GRIPAP1: variants seen among roughly 807,000 people sequenced by gnomAD.
GRIPAP1 encodes GRIP1 associated protein 1, also known as GRIP1-associated protein 1.
A neutral mutation model predicts 84.1 loss-of-function variants in GRIPAP1; 14 were observed. The ratio of observed to expected loss-of-function variants is 0.17; its 90% confidence interval spans 0.11 to 0.26. The LOEUF (loss-of-function observed/expected upper bound fraction) is 0.26, where lower values mean the gene tolerates loss of function less well. Among genes scored for constraint, GRIPAP1 ranks in the 10% least tolerant of loss-of-function variants. The pLI is 1.00. For synonymous variants in GRIPAP1, 261 were observed against 256.8 expected (o/e 1.02, Z -0.15); for missense variants, 518 against 674.2 (o/e 0.77, Z 2.57).
At chrX:48,994,443 T>C (rs1211896094) in intron 5 of GRIPAP1, among the ~76,000 whole-genome samples, 1 of 110,189 alleles carries the variant, frequency 9.1e-6, no homozygotes, top group African/African-American at 3.3e-5. Flanking sequence ...AGGCTGGTCT[T>C]GAACTCCTGA....
rs183095811 is a variant in GRIPAP1 at position 49,001,305 on chromosome X, T to G, written c.42+883A>C. Among the ~76,000 whole-genome samples, 371 of 109,497 alleles carry G rather than the reference T, an allele frequency of 3.4e-3. 2 individuals are homozygous for G. Among genetic ancestry groups the G allele is most frequent in the Middle Eastern group, 0.014 (3 of 214 alleles). ...TCCCTCATTCAAGGACCAATTGGAT[T>G]ACCTGTCCTCCCTCAGAGTTCCTCC... On this transcript the variant is annotated intron_variant, in intron 1 of 25. Transcript: ENST00000376423.
Position 48,987,833 on chromosome X carries a change from A to G in GRIPAP1, c.993T>C (p.Leu331=). Residue 331 remains leucine, a synonymous_variant, in exon 13 of 26, where the codon CTT becomes CTC. Coordinates refer to ENST00000376423, the MANE Select transcript of GRIPAP1 (RefSeq NM_020137.5). The part of the protein sequence containing the change: ...SADAQEQVEG[L]LAENNALRTS... ...TCCTCAAGGCATTGTTCTCAGCCAA[A>G]AGCCCTTCCACTTGTTCCTGTGCAT... The G allele has an allele frequency of 8.3e-7, 1 of 1,206,308 alleles. No individual in the cohort carries two copies. Among genetic ancestry groups the G allele is most frequent in the Non-Finnish European group, 1.1e-6 (1 of 892,114 alleles).
chrX:48,997,376 G>GCC lies in GRIPAP1; in HGVS notation c.199-21_199-20dup. The GCC allele has an allele frequency of 1.1e-6, 1 of 951,946 alleles. No individual in the cohort carries two copies. The highest frequency in any genetic ancestry group is 1.5e-6 in the Non-Finnish European group (1 of 675,645). The allele number at this position is 951,946 out of a possible 1,213,427, so 78.5% of individuals were successfully genotyped here. A position where few individuals can be genotyped will look rare whatever the true frequency, so the allele number is the denominator to read the frequency against. On this transcript the variant is annotated intron_variant, in intron 4 of 25. Coordinates refer to ENST00000376423, the MANE Select transcript of GRIPAP1 (RefSeq NM_020137.5). ...CGACTTCCTGCAGTGGCAGACAAGG[G>GCC]CCAGGACTCCAGCAAGGGCAAAAAG...
chrX:48,993,100 G>A (rs2064528791), intron 6 of GRIPAP1, among the ~76,000 whole-genome samples: 1 of 112,724 alleles, frequency 8.9e-6, no homozygotes, highest in African/African-American at 3.2e-5. Context: ...GATTACAGGC[G>A]TGAGCCACCG....
In GRIPAP1 at chrX:49,002,235, TC is replaced by T. The variant is rs782580493; in HGVS notation, c.-7del. 11 of 1,106,903 alleles carry T rather than the reference TC, an allele frequency of 9.9e-6. No individual in the cohort carries two copies. The highest frequency in any genetic ancestry group is 1.4e-5 in the Non-Finnish European group (11 of 812,287). 91.2% of individuals were successfully genotyped at this position (1,106,903 alleles called of 1,213,427 possible). On this transcript the variant is annotated 5_prime_UTR_variant, in exon 1 of 26. Coordinates refer to ENST00000376423, the MANE Select transcript of GRIPAP1 (RefSeq NM_020137.5). The stretch of plus-strand genomic sequence containing the variant: ...TCAGACAGAGCTTGCGCCATGTTCC[TC>T]CCCCCACCCCCCCGCCAGCTTTCTG...
intron 5 of GRIPAP1, among the ~76,000 whole-genome samples, chrX:48,995,891 G>A (rs782063328): frequency 1.3e-4 from 14 of 111,487 alleles, no homozygotes; most frequent in Non-Finnish European, 1.7e-4. Flanking sequence ...CACCACGCCC[G>A]GCCATAAAAC....
chrX:48,982,253 G>A (rs782517165), intron 17 of GRIPAP1, among the ~76,000 whole-genome samples: 1 of 111,941 alleles, frequency 8.9e-6, no homozygotes, highest in East Asian at 2.8e-4. Context: ...CTTGCCCAAG[G>A]TCACACAGCT....
In GRIPAP1 at chrX:48,990,941, C is replaced by A; in HGVS notation, c.627G>T (p.Gln209His). ...TCAGATTCACCTCTAAGCCTTGCAG[C>A]TGTTCCCAGAGCAATCTCTTCTCCT... Reference protein sequence around the residue: ...EKEEKRLLWEQLQGLESSKQA... With the variant: ...EKEEKRLLWEHLQGLESSKQA... Residue 209 changes from glutamine (Q) to histidine (H), a missense_variant, in exon 7 of 26, where the codon CAG (glutamine) becomes CAT (histidine). Coordinates refer to ENST00000376423, the MANE Select transcript of GRIPAP1 (RefSeq NM_020137.5). The A allele has an allele frequency of 8.6e-7, 1 of 1,161,827 alleles. No homozygotes were observed. Among genetic ancestry groups the A allele is most frequent in the Non-Finnish European group, 1.1e-6 (1 of 870,344 alleles).
chrX:49,000,721 G>C (rs2064574826), intron 1 of GRIPAP1: 1 of 110,239 alleles, frequency 9.1e-6, no homozygotes, highest in Admixed American at 9.7e-5. Flanking sequence ...AAAGAATTAA[G>C]CATCCTCCTC....
At position 48,992,461 on chromosome X, in the gene GRIPAP1, C is replaced by T. The variant is rs181249634; in HGVS notation, c.457+967G>A. Among the ~76,000 whole-genome samples, 36 of 112,315 alleles carry T rather than the reference C, an allele frequency of 3.2e-4. 1 individual carries two copies. In the Admixed American group the frequency reaches 3.4e-3, roughly 11 times the overall value. ...CAGGCTCTCACAAATATTTTAAGCC[C>T]TATCAACCACTAAGATTCTGTTTAC... On this transcript the variant is annotated intron_variant, in intron 6 of 25. Transcript: ENST00000376423.
At chrX:48,979,928 A>G (rs2064446619) in intron 21 of GRIPAP1, among the ~76,000 whole-genome samples, 1 of 111,600 alleles carries the variant, frequency 9.0e-6, no homozygotes, top group South Asian at 3.7e-4. Context: ...GTGATAAAAC[A>G]GAAACAAAAC....
chrX:48,994,219 CT>C (rs200273142), intron 5 of GRIPAP1, among the ~76,000 whole-genome samples: 164 of 95,135 alleles, frequency 1.7e-3, no homozygotes, highest in Middle Eastern at 5.0e-3. Flanking sequence ...TATTTTCTTT[CT>C]TTTTTTTTTT....
intron 1 of GRIPAP1, among the ~76,000 whole-genome samples, chrX:49,000,065 C>T (rs1474218847): frequency 9.1e-6 from 1 of 110,354 alleles, no homozygotes; most frequent in Non-Finnish European, 1.9e-5. Flanking sequence ...ATCCAGGCCC[C>T]CTTCAATAAT....
chrX:48,995,043 C>A (rs2064540264), intron 5 of GRIPAP1, among the ~76,000 whole-genome samples: 1 of 112,153 alleles, frequency 8.9e-6, no homozygotes. Context: ...GTGCTGCTTA[C>A]AACTGTATTT....
chrX:48,989,543 C>T, intron 11 of GRIPAP1, 68 bp downstream of exon 11: 1 of 728,134 alleles, frequency 1.4e-6, no homozygotes, highest in East Asian at 3.2e-5. Flanking sequence ...CCTCCATGGA[C>T]CTCAGACCTC....
In GRIPAP1 at chrX:48,975,309, T is replaced by C; in HGVS notation, c.2279A>G (p.Asp760Gly). The C allele has an allele frequency of 8.3e-7, 1 of 1,207,467 alleles. No individual in the cohort carries two copies. The highest frequency in any genetic ancestry group is 1.1e-6 in the Non-Finnish European group (1 of 893,033). ...TGTGTGGCCTGCTGCCACAGACACA[T>C]CTGCAAGGGCCCAGGCTGAAAACCA... ...IETYVMDSRI[D>G]VSVAAGHTDR... The change falls in exon 25 of 26, where the codon GAT (aspartate) becomes GGT (glycine). Residue 760 changes from aspartate to glycine, a missense_variant and splice_region_variant. Physicochemically the swap from Asp to Gly is moderately conservative, Grantham distance 94. Coordinates refer to ENST00000376423, the MANE Select transcript of GRIPAP1 (RefSeq NM_020137.5).
In GRIPAP1 at chrX:48,975,360, C is replaced by G. The variant is rs782577904; in HGVS notation, c.2279-51G>C. 10 of 1,109,377 alleles carry G rather than the reference C, an allele frequency of 9.0e-6. No homozygotes were observed. The East Asian group carries it at 3.1e-4, about 34-fold the overall frequency. 91.4% of individuals were successfully genotyped at this position (1,109,377 alleles called of 1,213,427 possible). On this transcript the variant is annotated intron_variant, in intron 24 of 25. Transcript: ENST00000376423. ...CCCCCTCGGCAGAGCCAGAGGAGAG[C>G]CAGGCAGAGCCAGAGGAGAAAAGAG...
intron 21 of GRIPAP1, among the ~76,000 whole-genome samples, 165 bp from the exon 22 acceptor site, chrX:48,978,600 A>G (rs1569519236): frequency 9.0e-6 from 1 of 111,272 alleles, no homozygotes; most frequent in East Asian, 2.8e-4. Context: ...CAGAGACAGA[A>G]AAAAGAGCTG....
chrX:48,989,920 G>A (rs782203584), intron 9 of GRIPAP1, 38 bp from the exon 10 acceptor site: 14 of 1,199,104 alleles, frequency 1.2e-5, no homozygotes, highest in Admixed American at 6.6e-5. Flanking sequence ...GGTCAGTTCC[G>A]TAAGTTAATT....
Sources: allele counts gnomAD v4.1 joint callset (sites outside exome capture counted in the v4.1 genomes callset), GRCh38; gene constraint gnomAD v4.1.1; transcripts MANE v1.5; gene names NCBI Gene and HGNC (gene_info 2026-07-23, HGNC 2026-07-21).